LSAMP: variants seen among roughly 807,000 people sequenced by gnomAD.
LSAMP encodes limbic system-associated membrane protein.
LSAMP carries 7 observed loss-of-function variants against 38.6 expected under a neutral mutation model. That is an observed-to-expected ratio of 0.18 (90% CI 0.10 to 0.34). The LOEUF is 0.34. LSAMP is among the 10% of genes least tolerant of loss of function. The pLI is 1.00. For synonymous variants in LSAMP, 154 were observed against 166.8 expected (o/e 0.92, Z 0.59); for missense variants, 313 against 420.0 (o/e 0.75, Z 2.23).
chr3:116,174,007 C>T (rs888600222), intron 1 of LSAMP, among the ~76,000 whole-genome samples: 80 of 151,922 alleles, frequency 5.3e-4, no homozygotes, highest in African/African-American at 1.9e-3. Flanking sequence ...TTTCCAGACT[C>T]AGAACTTTTC....
intron 3 of LSAMP, among the ~76,000 whole-genome samples, chr3:115,948,490 T>C (rs925696940): frequency 6.6e-5 from 10 of 152,048 alleles, no homozygotes; most frequent in Non-Finnish European, 1.3e-4. Context: ...CTCAAAACCA[T>C]AGAAATATAT....
intron 1 of LSAMP, chr3:116,359,933 T>C (rs2048282575): frequency 6.6e-6 from 1 of 152,248 alleles, no homozygotes; most frequent in African/African-American, 2.4e-5. Flanking sequence ...TGTTTCGTGA[T>C]GAAGATGCCA....
intron 3 of LSAMP, among the ~76,000 whole-genome samples, chr3:115,853,208 C>A (rs1342397193): frequency 6.6e-6 from 1 of 152,224 alleles, no homozygotes; most frequent in African/African-American, 2.4e-5. Context: ...TGAGAAACCA[C>A]CACTCTTCTT....
At chr3:115,906,113 A>G (rs1357024263) in intron 3 of LSAMP, among the ~76,000 whole-genome samples, 1 of 152,192 alleles carries the variant, frequency 6.6e-6, no homozygotes, top group Non-Finnish European at 1.5e-5. Flanking sequence ...GCCAATGTCA[A>G]AAAGATGACA....
At chr3:116,353,552 C>G (rs928451643) in intron 1 of LSAMP, among the ~76,000 whole-genome samples, 4 of 152,048 alleles carry the variant, frequency 2.6e-5, no homozygotes, top group Non-Finnish European at 2.9e-5. Flanking sequence ...TAATCCAGTA[C>G]GTGCAGAGTA....
intron 1 of LSAMP, among the ~76,000 whole-genome samples, chr3:116,319,044 G>GGA (rs1553724352): frequency 2.1e-5 from 2 of 95,396 alleles, no homozygotes; most frequent in Non-Finnish European, 4.3e-5. Flanking sequence ...GTATAGAATT[G>GGA]GGGGGGTGGG....
At chr3:116,349,990 A>G (rs2048115296) in intron 1 of LSAMP, among the ~76,000 whole-genome samples, 1 of 152,080 alleles carries the variant, frequency 6.6e-6, no homozygotes, top group Non-Finnish European at 1.5e-5. Context: ...ATTACATTTA[A>G]TTACTTCAGG....
At chr3:116,400,464 T>C (rs142462909) in intron 1 of LSAMP, among the ~76,000 whole-genome samples, 1 of 130,626 alleles carries the variant, frequency 7.7e-6, no homozygotes, top group Non-Finnish European at 1.6e-5. Context: ...CCTTCCCTCC[T>C]TCCTTCCTTT....
intron 3 of LSAMP, among the ~76,000 whole-genome samples, chr3:115,933,590 A>G (rs1937616471): frequency 1.3e-5 from 2 of 152,324 alleles, no homozygotes; most frequent in Admixed American, 1.3e-4. Context: ...AGGCAGAAAT[A>G]CTTATATCTA....
intron 3 of LSAMP, among the ~76,000 whole-genome samples, chr3:115,881,706 G>A (rs1354614664): frequency 1.3e-5 from 2 of 152,118 alleles, no homozygotes; most frequent in Non-Finnish European, 2.9e-5. Flanking sequence ...AAGATTCATT[G>A]CCATAAAGAC....
chr3:116,221,778 C>A (rs1254793023), intron 1 of LSAMP, among the ~76,000 whole-genome samples: 3 of 151,634 alleles, frequency 2.0e-5, no homozygotes, highest in South Asian at 2.1e-4. Flanking sequence ...GGAACACTTA[C>A]AATTAACTTT....
chr3:115,849,149 T>G (rs756327668), intron 4 of LSAMP, among the ~76,000 whole-genome samples: 6 of 152,336 alleles, frequency 3.9e-5, no homozygotes, highest in Non-Finnish European at 7.4e-5. Flanking sequence ...CTGTCTATTG[T>G]CTAAATTATA....
chr3:116,223,479 T>C (rs970352736), intron 1 of LSAMP, among the ~76,000 whole-genome samples: 1 of 152,188 alleles, frequency 6.6e-6, no homozygotes, highest in Non-Finnish European at 1.5e-5. Flanking sequence ...TAAAATAATA[T>C]GAAGCCACTT....
chr3:115,849,598 A>C (rs1356344067), intron 4 of LSAMP, among the ~76,000 whole-genome samples: 1 of 152,140 alleles, frequency 6.6e-6, no homozygotes, highest in East Asian at 1.9e-4. Context: ...TTTGAAAAGG[A>C]AGCAGAATCA....
At chr3:116,336,842 C>T (rs1476337587) in intron 1 of LSAMP, among the ~76,000 whole-genome samples, 5 of 151,612 alleles carry the variant, frequency 3.3e-5, no homozygotes, top group African/African-American at 4.8e-5. Flanking sequence ...TTTATATACC[C>T]ATGTTCACAG....
intron 3 of LSAMP, among the ~76,000 whole-genome samples, chr3:115,951,045 A>G (rs1463308261): frequency 6.6e-6 from 1 of 152,172 alleles, no homozygotes; most frequent in Non-Finnish European, 1.5e-5. Context: ...TGTTCAACAA[A>G]TGGTGCTGGT....
rs1004281911 is a variant in LSAMP at position 116,066,178 on chromosome 3, C to A, written c.388+20146G>T. Among the ~76,000 whole-genome samples, 3 of 152,244 alleles carry A rather than the reference C, an allele frequency of 2.0e-5. No individual in the cohort carries two copies. The East Asian group carries it at 5.8e-4, about 29-fold the overall frequency. On this transcript the variant is annotated intron_variant, in intron 2 of 6. Coordinates refer to ENST00000490035, the MANE Select transcript of LSAMP (RefSeq NM_002338.5). Reference sequence around the variant, plus strand: ...TGGCTGACTTTTCACTTTGTCCTCACAGAGTATGGAAGGGGAAAGGGACCT... The same window carrying A: ...TGGCTGACTTTTCACTTTGTCCTCAAAGAGTATGGAAGGGGAAAGGGACCT...
At chr3:115,910,946 A>T (rs1937120677) in intron 3 of LSAMP, among the ~76,000 whole-genome samples, 1 of 152,236 alleles carries the variant, frequency 6.6e-6, no homozygotes, top group East Asian at 1.9e-4. Flanking sequence ...CGTATATTTC[A>T]AAATAGCTAG....
chr3:115,916,979 G>A (rs1187122447), intron 3 of LSAMP, among the ~76,000 whole-genome samples: 1 of 152,164 alleles, frequency 6.6e-6, no homozygotes, highest in Non-Finnish European at 1.5e-5. Context: ...GATCCCTAAT[G>A]TGTATATTAT....
Sources: gnomAD v4.1 joint callset for allele counts (sites outside exome capture counted in the v4.1 genomes callset) on GRCh38, gnomAD v4.1.1 for gene constraint, MANE v1.5 for transcripts, NCBI Gene and HGNC (gene_info 2026-07-23, HGNC 2026-07-21) for gene names.